The following RYK variants were observed in gnomAD, a reference collection of about 807,000 sequenced individuals.
The protein encoded by RYK is receptor like tyrosine kinase.
Under a neutral mutation model 70.2 loss-of-function variants are expected in RYK, and 21 were observed. The ratio of observed to expected loss-of-function variants is 0.30; its 90% CI spans 0.21 to 0.43. The LOEUF is 0.43. Among genes scored for constraint, RYK ranks in the 20% least tolerant of loss-of-function variants. The pLI is 1.00. For missense variants in RYK, 604 were observed against 753.3 expected (o/e 0.80, Z 2.32); for synonymous variants, 267 against 278.0 (o/e 0.96, Z 0.39).
intron 2 of RYK, among the ~76,000 whole-genome samples, chr3:134,216,038 A>AC (rs1209710624): frequency 2.0e-5 from 3 of 151,598 alleles, no homozygotes; most frequent in African/African-American, 7.3e-5. Flanking sequence ...TCAGTCTCAA[A>AC]AAAAAAAAGA....
intron 1 of RYK, among the ~76,000 whole-genome samples, 186 bp downstream of exon 1, chr3:134,250,237 A>G (rs1041912237): frequency 6.6e-6 from 1 of 151,776 alleles, no homozygotes; most frequent in Non-Finnish European, 1.5e-5. Flanking sequence ...AGAGCTGGGG[A>G]CCGGGCAGGG....
chr3:134,187,519 C>A (rs1249853239), intron 9 of RYK, among the ~76,000 whole-genome samples: 1 of 152,062 alleles, frequency 6.6e-6, no homozygotes, highest in African/African-American at 2.4e-5. Flanking sequence ...TTCTTTCTCT[C>A]TAGATAAGCA....
At position 134,216,534 on chromosome 3, in the gene RYK, T is replaced by C. The variant is rs191302223; in HGVS notation, c.355-4927A>G. Among the ~76,000 whole-genome samples, 554 of 152,140 alleles carry C rather than the reference T, an allele frequency of 3.6e-3. 1 individual carries two copies. The highest frequency in any genetic ancestry group is 6.3e-3 in the Non-Finnish European group (426 of 67,990). Reference sequence around the variant, plus strand: ...ACGGCCAGGCGCGGTGGCTCATGCCTGTAATGCCAGCACTTTGGGAGGCTG... The same window carrying C: ...ACGGCCAGGCGCGGTGGCTCATGCCCGTAATGCCAGCACTTTGGGAGGCTG... On this transcript the variant is annotated intron_variant, in intron 2 of 14. Transcript: ENST00000623711.
chr3:134,158,104 T>A lies in RYK; in HGVS notation c.*49A>T, dbSNP rs780515127. On this transcript the variant is annotated 3_prime_UTR_variant, in exon 15 of 15. Transcript: ENST00000623711. ...CAAAGCATCCCTGACAGGCTTCAAG[T>A]GAGCCCCGACAGGCACCTTCTTCCT... The A allele has an allele frequency of 6.5e-6, 7 of 1,077,518 alleles. No homozygotes were observed. The South Asian group carries it at 1.9e-4, about 29-fold the overall frequency. 66.7% of individuals were successfully genotyped at this position (1,077,518 alleles called of 1,614,324 possible).
At position 134,190,344 on chromosome 3, in the gene RYK, C is replaced by G. The variant is rs182811623; in HGVS notation, c.1016-1421G>C. Among the ~76,000 whole-genome samples, 463 of 152,216 alleles carry G rather than the reference C, an allele frequency of 3.0e-3. 2 individuals carry two copies. The highest frequency in any genetic ancestry group is 5.6e-3 in the Non-Finnish European group (384 of 68,016). The stretch of plus-strand genomic sequence containing the variant: ...ACCTCCTGTCTCCTCTTCCCAGTAC[C>G]TAGTCCCATTTTTAAATATTACTCT... On this transcript the variant is annotated intron_variant, in intron 8 of 14. Transcript: ENST00000623711.
At chr3:134,201,067 C>T (rs891971784) in intron 6 of RYK, among the ~76,000 whole-genome samples, 87 of 152,322 alleles carry the variant, frequency 5.7e-4, no homozygotes, top group African/African-American at 2.0e-3. Context: ...AGACTGACTT[C>T]CAAATGTCAT....
In RYK at chr3:134,221,196, CTTTTTTTTTTT is replaced by C. The variant is rs71139519; in HGVS notation, c.354+1211_354+1221del. Among the ~76,000 whole-genome samples the C allele has an allele frequency of 1.3e-4, 10 of 78,590 alleles. No individual in the cohort carries two copies. The East Asian group carries it at 1.6e-3, about 12-fold the overall frequency. 51.6% of individuals were successfully genotyped at this position (78,590 alleles called of 152,430 possible). A position where few individuals can be genotyped will look rare whatever the true frequency, so the allele number is the denominator to read the frequency against. On this transcript the variant is annotated intron_variant, in intron 2 of 14. Coordinates refer to ENST00000623711, the MANE Select transcript of RYK (RefSeq NM_002958.4). Reference sequence around the variant, plus strand: ...CTACAAAGTCTTAACAGTTCTTTTTCTTTTTTTTTTTTTTTTTTTTTTTTTTGAGACAGAGT... The same window carrying C: ...CTACAAAGTCTTAACAGTTCTTTTTCTTTTTTTTTTTTTTTGAGACAGAGT...
chr3:134,243,440 T>A (rs989363727), intron 1 of RYK, among the ~76,000 whole-genome samples: 5 of 152,210 alleles, frequency 3.3e-5, no homozygotes, highest in African/African-American at 1.2e-4. Context: ...TTATCTTCCC[T>A]ATAACCCAGA....
At chr3:134,242,565 A>G (rs1369624681) in intron 1 of RYK, among the ~76,000 whole-genome samples, 2 of 152,232 alleles carry the variant, frequency 1.3e-5, no homozygotes, top group African/African-American at 4.8e-5. Context: ...AGAGTAGCTA[A>G]TGGTTCTGTT....
At chr3:134,159,795 G>A (rs1447743406) in intron 13 of RYK, among the ~76,000 whole-genome samples, 1 of 152,116 alleles carries the variant, frequency 6.6e-6, no homozygotes, top group Admixed American at 6.5e-5. Flanking sequence ...AATATAAGAA[G>A]TCATGGATTT....
chr3:134,244,010 T>C (rs981546408), intron 1 of RYK, among the ~76,000 whole-genome samples: 8 of 152,234 alleles, frequency 5.3e-5, no homozygotes, highest in African/African-American at 1.7e-4. Flanking sequence ...GACACAGTGA[T>C]TTCAACTAGT....
intron 13 of RYK, among the ~76,000 whole-genome samples, chr3:134,172,709 T>C (rs1315961746): frequency 2.0e-5 from 3 of 152,252 alleles, no homozygotes; most frequent in East Asian, 1.9e-4. Flanking sequence ...CTTTGCATAT[T>C]TGTACTGCTT....
chr3:134,210,103 C>T (rs1397301350), intron 3 of RYK, among the ~76,000 whole-genome samples: 1 of 152,094 alleles, frequency 6.6e-6, no homozygotes, highest in East Asian at 1.9e-4. Flanking sequence ...TCAACTTCTG[C>T]TCATTGTTTT....
At chr3:134,240,202 AT>A (rs2107695356) in intron 1 of RYK, among the ~76,000 whole-genome samples, 1 of 152,318 alleles carries the variant, frequency 6.6e-6, no homozygotes, top group South Asian at 2.1e-4. Flanking sequence ...ATATTGGAAT[AT>A]TTTTATGAAA....
At chr3:134,222,358 G>C (rs906340995) in intron 2 of RYK, 60 bp downstream of exon 2, 1 of 1,598,238 alleles carries the variant, frequency 6.3e-7, no homozygotes, top group African/African-American at 1.3e-5. Context: ...CTCAAACACA[G>C]CCCTTGCCTC....
chr3:134,186,548 T>C (rs2013467842), intron 9 of RYK, among the ~76,000 whole-genome samples: 1 of 152,274 alleles, frequency 6.6e-6, no homozygotes, highest in African/African-American at 2.4e-5. Context: ...GCAATGCACT[T>C]CCCCTCTGTC....
chr3:134,161,794 A>G lies in RYK; in HGVS notation c.1576-2421T>C, dbSNP rs79407924. On this transcript the variant is annotated intron_variant, in intron 13 of 14. Transcript: ENST00000623711. ...AACCTTTCCACAAAGAAAACTCAAC[A>G]CTGTTTGGTGAATTCTATCAAACTT... is the stretch of plus-strand genomic sequence containing the variant. Among the ~76,000 whole-genome samples the G allele has an allele frequency of 5.3e-4, 80 of 151,268 alleles. 1 individual carries two copies. In the East Asian group the frequency reaches 0.013, roughly 25 times the overall value.
intron 2 of RYK, among the ~76,000 whole-genome samples, chr3:134,216,456 T>C (rs2014554104): frequency 6.6e-6 from 1 of 152,096 alleles, no homozygotes; most frequent in Non-Finnish European, 1.5e-5. Context: ...AGTGGGAATA[T>C]TCTGCTACAT....
intron 1 of RYK, among the ~76,000 whole-genome samples, chr3:134,248,811 C>T (rs894877312): frequency 1.3e-5 from 2 of 152,066 alleles, no homozygotes; most frequent in Non-Finnish European, 2.9e-5. Flanking sequence ...AAAAAATTAA[C>T]TGTGTGACCT....
Sources: allele counts gnomAD v4.1 joint callset (sites outside exome capture counted in the v4.1 genomes callset), GRCh38; gene constraint gnomAD v4.1.1; transcripts MANE v1.5; gene names NCBI Gene and HGNC (gene_info 2026-07-23, HGNC 2026-07-21).